The following RASSF3 variants were observed in gnomAD, a reference collection of about 807,000 sequenced individuals.
RASSF3 encodes the protein ras association domain-containing protein 3.
RASSF3 carries 19 observed loss-of-function variants against 19.9 expected under a neutral mutation model. That is an observed-to-expected ratio of 0.96 (90% CI 0.67 to 1.40). The LOEUF (loss-of-function observed/expected upper bound fraction) is 1.40. RASSF3 is among the 40% of genes most tolerant of loss of function. RASSF3 has a pLI of 0.00. For synonymous variants in RASSF3, 110 were observed against 104.2 expected (o/e 1.06, Z -0.34); for missense variants, 306 against 289.8 (o/e 1.06, Z -0.41).
chr12:64,632,632 G>A (rs1012335142), intron 1 of RASSF3, among the ~76,000 whole-genome samples: 4 of 152,102 alleles, frequency 2.6e-5, no homozygotes, highest in African/African-American at 7.2e-5. Flanking sequence ...TGGGTGGGAG[G>A]ATGGCCATGC....
chr12:64,636,148 A>G (rs745537420), intron 1 of RASSF3, among the ~76,000 whole-genome samples: 15 of 149,830 alleles, frequency 1.0e-4, no homozygotes, highest in Non-Finnish European at 2.1e-4. Flanking sequence ...ATGGAGTCTC[A>G]CTCTGTTGCC....
chr12:64,510,892 C>T (rs184592067), intron 1 of RASSF3, among the ~76,000 whole-genome samples: 1 of 152,252 alleles, frequency 6.6e-6, no homozygotes, highest in African/African-American at 2.4e-5. Context: ...CAGAGTCAAA[C>T]CTGGCTACTG....
At chr12:64,622,075 A>G (rs1469657416) in intron 1 of RASSF3, among the ~76,000 whole-genome samples, 1 of 152,082 alleles carries the variant, frequency 6.6e-6, no homozygotes, top group Non-Finnish European at 1.5e-5. Context: ...TATCTTTTTG[A>G]CAGTCTTGCT....
At chr12:64,634,128 A>G (rs1459564462) in intron 1 of RASSF3, among the ~76,000 whole-genome samples, 1 of 152,126 alleles carries the variant, frequency 6.6e-6, no homozygotes, top group Non-Finnish European at 1.5e-5. Flanking sequence ...CAGACCCTGT[A>G]TCAAGCAAAC....
In RASSF3 at chr12:64,688,468, T is replaced by G. The variant is rs916653182; in HGVS notation, c.457+15T>G. Reference sequence around the variant, plus strand: ...GGAAGACCAAGGTACGCTGCCAGCTTAAAAGGAAAATGGTCTGTGCTTCTA... The same window carrying G: ...GGAAGACCAAGGTACGCTGCCAGCTGAAAAGGAAAATGGTCTGTGCTTCTA... On this transcript the variant is annotated intron_variant, in intron 3 of 4. Transcript: ENST00000542104. The G allele has an allele frequency of 6.4e-7, 1 of 1,569,326 alleles. No homozygotes were observed.
At chr12:64,583,877 C>T (rs1164390967) in intron 2 of RASSF3, among the ~76,000 whole-genome samples, 3 of 152,180 alleles carry the variant, frequency 2.0e-5, no homozygotes, top group African/African-American at 4.8e-5. Flanking sequence ...CAAATATGTT[C>T]GGTTTATCTG....
intron 2 of RASSF3, among the ~76,000 whole-genome samples, chr12:64,562,190 G>A (rs1051702568): frequency 1.9e-4 from 29 of 151,934 alleles, no homozygotes; most frequent in Admixed American, 1.4e-3. Flanking sequence ...ACAGGCGTGC[G>A]CCACCGCACC....
chr12:64,664,777 A>G (rs992867775), intron 1 of RASSF3, among the ~76,000 whole-genome samples: 1 of 152,208 alleles, frequency 6.6e-6, no homozygotes, highest in Admixed American at 6.5e-5. Flanking sequence ...CAATAGTTAT[A>G]GAAGACAGCT....
intron 4 of RASSF3, 122 bp from the exon 5 acceptor site, chr12:64,694,641 A>G (rs1592478217): frequency 1.9e-6 from 2 of 1,080,680 alleles, no homozygotes; most frequent in Middle Eastern, 2.1e-4. Context: ...TGCAGACCAC[A>G]CCTTCTGCGG....
chr12:64,666,581 A>T (rs1435298515), intron 1 of RASSF3, among the ~76,000 whole-genome samples: 3 of 152,156 alleles, frequency 2.0e-5, no homozygotes, highest in Admixed American at 6.5e-5. Flanking sequence ...AACACGTTTG[A>T]TGGGTGTTAA....
chr12:64,600,876 T>C (rs907434122), intron 2 of RASSF3, among the ~76,000 whole-genome samples: 3 of 152,248 alleles, frequency 2.0e-5, no homozygotes, highest in Non-Finnish European at 4.4e-5. Flanking sequence ...AATCAGTTTT[T>C]AGATATAGAG....
intron 2 of RASSF3, among the ~76,000 whole-genome samples, chr12:64,570,911 G>T (rs1243267540): frequency 1.3e-5 from 2 of 152,160 alleles, no homozygotes; most frequent in Admixed American, 1.3e-4. Context: ...TGGCAAGCCA[G>T]ATTTTTGGAT....
chr12:64,589,847 C>A (rs1057156321), intron 2 of RASSF3, among the ~76,000 whole-genome samples: 10 of 150,996 alleles, frequency 6.6e-5, no homozygotes, highest in African/African-American at 2.4e-4. Context: ...TACTAAAATA[C>A]TAAAATTAGC....
Position 64,597,623 on chromosome 12 carries a change from A to G in RASSF3, c.294+55918A>G, listed in dbSNP as rs559189221. On this transcript the variant is annotated intron_variant, in intron 2 of 5. Coordinates refer to the RASSF3 transcript ENST00000637125. ...CAGTCGTGCACCACCACGCCTGGCT[A>G]ATTTTTGTATTTTTAGTAGAGATGG... Among the ~76,000 whole-genome samples the G allele has an allele frequency of 2.4e-4, 37 of 151,102 alleles. 1 individual carries two copies. In the South Asian group the frequency reaches 7.7e-3, roughly 32 times the overall value.
chr12:64,551,420 C>T (rs1199919550), intron 2 of RASSF3, among the ~76,000 whole-genome samples: 1 of 151,920 alleles, frequency 6.6e-6, no homozygotes, highest in Admixed American at 6.6e-5. Context: ...ACAAAAAATG[C>T]CAAAAATTAG....
intron 1 of RASSF3, among the ~76,000 whole-genome samples, chr12:64,670,902 C>T (rs1872682096): frequency 6.6e-6 from 1 of 152,196 alleles, no homozygotes; most frequent in Non-Finnish European, 1.5e-5. Flanking sequence ...AGGAACCTCA[C>T]CTAGCCCCTC....
rs1246110664 is a variant in RASSF3, at chr12:64,688,440, C to T, written c.444C>T (p.His148=). ...AGTTTGCACTTTATAAGCGTTGTCA[C>T]AGGGAAGACCAAGGTACGCTGCCAG... ...PAKFALYKRC[H]REDQVYACKL... Residue 148 remains histidine (H), a synonymous_variant, in exon 3 of 5, where the codon CAC becomes CAT. Coordinates refer to ENST00000542104, the MANE Select transcript of RASSF3 (RefSeq NM_178169.4). The T allele has an allele frequency of 2.5e-6, 4 of 1,612,554 alleles. No homozygotes were observed. Among genetic ancestry groups the T allele is most frequent in the African/African-American group, 1.3e-5 (1 of 74,888 alleles).
At chr12:64,602,731 AAAAG>A (rs979773421) in intron 2 of RASSF3, among the ~76,000 whole-genome samples, 71 of 152,270 alleles carry the variant, frequency 4.7e-4, no homozygotes, top group Non-Finnish European at 7.4e-4. Context: ...AAAAATGAAA[AAAAG>A]AAAGAAAGAA....
intron 2 of RASSF3, among the ~76,000 whole-genome samples, chr12:64,594,125 G>A (rs757784165): frequency 6.6e-6 from 1 of 151,874 alleles, no homozygotes; most frequent in Non-Finnish European, 1.5e-5. Context: ...TCAAGCCCAG[G>A]AGTTCAAAAC....
Sources: gnomAD v4.1 joint callset for allele counts (sites outside exome capture counted in the v4.1 genomes callset) on GRCh38, gnomAD v4.1.1 for gene constraint, MANE v1.5 for transcripts, NCBI Gene and HGNC (gene_info 2026-07-23, HGNC 2026-07-21) for gene names.